MMP16: variants seen among roughly 807,000 people sequenced by gnomAD.
The protein encoded by MMP16 is matrix metalloproteinase-16.
In MMP16, 12 loss-of-function variants were observed where a neutral mutation model predicts 67.8. That is an observed-to-expected ratio of 0.18 (90% CI 0.11 to 0.29). MMP16 has a LOEUF of 0.29. Among genes scored for constraint, MMP16 ranks in the 10% least tolerant of loss-of-function variants. MMP16 has a pLI of 1.00. For missense variants in MMP16, 475 were observed against 765.7 expected (o/e 0.62, Z 4.48); for synonymous variants, 249 against 255.9 (o/e 0.97, Z 0.26).
intron 7 of MMP16, among the ~76,000 whole-genome samples, chr8:88,071,484 G>GA (rs917180572): frequency 9.4e-5 from 14 of 149,156 alleles, no homozygotes; most frequent in South Asian, 2.1e-4. Flanking sequence ...ATTGGAAGAA[G>GA]AAAAAAAAAC....
At chr8:88,323,208 AAC>A (rs1811486731) in intron 1 of MMP16, among the ~76,000 whole-genome samples, 1 of 152,210 alleles carries the variant, frequency 6.6e-6, no homozygotes, top group Non-Finnish European at 1.5e-5. Flanking sequence ...AGAGAAAAGC[AAC>A]AGTGTCCCAA....
intron 1 of MMP16, among the ~76,000 whole-genome samples, chr8:88,255,335 C>T (rs1810285429): frequency 6.6e-6 from 1 of 152,126 alleles, no homozygotes; most frequent in Non-Finnish European, 1.5e-5. Flanking sequence ...TCCTGAGGCC[C>T]TCGCCAGAAG....
chr8:88,254,792 C>A (rs1810276854), intron 1 of MMP16, among the ~76,000 whole-genome samples: 1 of 151,964 alleles, frequency 6.6e-6, no homozygotes, highest in Non-Finnish European at 1.5e-5. Context: ...GATCCTGGAA[C>A]AGAAAAAGGA....
At chr8:88,268,202 C>A (rs1165565308) in intron 1 of MMP16, among the ~76,000 whole-genome samples, 2 of 152,036 alleles carry the variant, frequency 1.3e-5, no homozygotes, top group Non-Finnish European at 2.9e-5. Context: ...AGTAGCTGGG[C>A]GTGGTGGCGC....
intron 4 of MMP16, among the ~76,000 whole-genome samples, chr8:88,138,495 A>C (rs957640172): frequency 2.6e-5 from 4 of 152,028 alleles, no homozygotes; most frequent in Non-Finnish European, 5.9e-5. Flanking sequence ...AAAACCTTGA[A>C]AGGAACAATA....
Position 88,327,241 on chromosome 8 carries a change from C to A in MMP16, c.-35G>T. The A allele has an allele frequency of 6.2e-7, 1 of 1,612,706 alleles. No individual in the cohort carries two copies. The highest frequency in any genetic ancestry group is 8.5e-7 in the Non-Finnish European group (1 of 1,179,110). On this transcript the variant is annotated 5_prime_UTR_variant, in exon 1 of 10. It adds an upstream start codon to the 5' untranslated region. Transcript: ENST00000286614. The stretch of plus-strand genomic sequence containing the variant: ...TGCTTCAATGGATGGACGAGCTCCC[C>A]TTCGTTTTCTCCCTCTCTCCCTCTC...
chr8:88,277,995 G>C (rs927757629), intron 1 of MMP16, among the ~76,000 whole-genome samples: 1 of 152,156 alleles, frequency 6.6e-6, no homozygotes, highest in Non-Finnish European at 1.5e-5. Context: ...TGGCATCTTC[G>C]ATGAGTAAGG....
chr8:88,109,681 T>A (rs1347090258), intron 6 of MMP16, among the ~76,000 whole-genome samples: 1 of 151,284 alleles, frequency 6.6e-6, no homozygotes, highest in African/African-American at 2.4e-5. Context: ...CTATACATCT[T>A]GAAACGAAAC....
In MMP16 at chr8:88,116,594, T is replaced by C. The variant is rs377475931; in HGVS notation, c.996A>G (p.Arg332=). The change falls in exon 6 of 10, where the codon AGA becomes AGG. Residue 332 remains arginine (R), a synonymous_variant. Coordinates refer to ENST00000286614, the MANE Select transcript of MMP16 (RefSeq NM_005941.5). ...TGGGTTTGGCTCCGGGATAGGAGGG[T>C]CTGCCGGTTGGAGGCCGAGGAGGTT... ...RPKPPRPPTG[R]PSYPGAKPNI... is the part of the protein sequence containing the mutation. 1 of 1,613,654 alleles carries C rather than the reference T, an allele frequency of 6.2e-7. No homozygotes were observed. The highest frequency in any genetic ancestry group is 8.5e-7 in the Non-Finnish European group (1 of 1,179,842).
intron 1 of MMP16, among the ~76,000 whole-genome samples, chr8:88,225,464 T>G (rs977689027): frequency 6.6e-6 from 1 of 151,994 alleles, no homozygotes; most frequent in Non-Finnish European, 1.5e-5. Context: ...AAAAATACTT[T>G]TGCTTTAAAT....
rs1808070212 is a variant in MMP16, at chr8:88,037,509, C to T, written c.*3952G>A. 1.3e-5 allele frequency: 2 copies of T among 151,870 alleles called. No homozygotes were observed. Among genetic ancestry groups the T allele is most frequent in the Admixed American group, 1.3e-4 (2 of 15,202 alleles). 9.4% of individuals were successfully genotyped at this position (151,870 alleles called of 1,614,324 possible). On this transcript the variant is annotated 3_prime_UTR_variant, in exon 10 of 10. Coordinates refer to ENST00000286614, the MANE Select transcript of MMP16 (RefSeq NM_005941.5). Reference sequence around the variant, plus strand: ...CACATCGATTCAGAAAAGCCTTGCCCTCTGATTTATAACAGAAGTTGTCTT... The same window carrying T: ...CACATCGATTCAGAAAAGCCTTGCCTTCTGATTTATAACAGAAGTTGTCTT...
At chr8:88,127,335 TG>T (rs1228879473) in intron 4 of MMP16, among the ~76,000 whole-genome samples, 1 of 151,806 alleles carries the variant, frequency 6.6e-6, no homozygotes, top group Non-Finnish European at 1.5e-5. Flanking sequence ...TGATGCAATA[TG>T]AAATGATTGA....
At chr8:88,124,941 C>T (rs947884842) in intron 4 of MMP16, among the ~76,000 whole-genome samples, 3 of 151,872 alleles carry the variant, frequency 2.0e-5, no homozygotes, top group Non-Finnish European at 4.4e-5. Flanking sequence ...TATAAGTAAA[C>T]TAATCTCATT....
chr8:88,215,928 T>A (rs995835575), intron 1 of MMP16, among the ~76,000 whole-genome samples: 2 of 152,190 alleles, frequency 1.3e-5, no homozygotes, highest in Non-Finnish European at 2.9e-5. Flanking sequence ...TCTTTACATA[T>A]CATCTTGATA....
chr8:88,293,329 C>G (rs1810955650), intron 1 of MMP16, among the ~76,000 whole-genome samples: 1 of 151,758 alleles, frequency 6.6e-6, no homozygotes, highest in Non-Finnish European at 1.5e-5. Flanking sequence ...CTACTTAATG[C>G]TTTTTTTTAA....
At chr8:88,090,911 G>C (rs1450117273) in intron 6 of MMP16, among the ~76,000 whole-genome samples, 1 of 151,722 alleles carries the variant, frequency 6.6e-6, no homozygotes, top group Admixed American at 6.6e-5. Context: ...AGTTCAATTT[G>C]CCAAGCTACA....
At chr8:88,234,306 G>T (rs1461242831) in intron 1 of MMP16, among the ~76,000 whole-genome samples, 1 of 152,116 alleles carries the variant, frequency 6.6e-6, no homozygotes, top group Non-Finnish European at 1.5e-5. Flanking sequence ...TAGAACTTGG[G>T]TATGCCACAG....
chr8:88,157,807 G>A (rs1808537773), intron 4 of MMP16, among the ~76,000 whole-genome samples: 1 of 152,012 alleles, frequency 6.6e-6, no homozygotes, highest in South Asian at 2.1e-4. Context: ...ATCTCATAGT[G>A]CTATGCCTCC....
chr8:88,139,791 C>A (rs28907601), intron 4 of MMP16, among the ~76,000 whole-genome samples: 1 of 151,972 alleles, frequency 6.6e-6, no homozygotes, highest in East Asian at 1.9e-4. Context: ...CAAAATATTG[C>A]TATACTTCTT....
Sources: allele counts gnomAD v4.1 joint callset (sites outside exome capture counted in the v4.1 genomes callset), GRCh38; gene constraint gnomAD v4.1.1; transcripts MANE v1.5; gene names NCBI Gene and HGNC (gene_info 2026-07-23, HGNC 2026-07-21).